CUL4B: variants seen among roughly 807,000 people sequenced by gnomAD.
The protein encoded by CUL4B is cullin 4B.
In CUL4B, 1 loss-of-function variant was observed where a neutral mutation model predicts 69.2. The observed-to-expected ratio is 0.01, with a 90% CI of 0.01 to 0.07. CUL4B has a LOEUF of 0.07. CUL4B is among the 10% of genes least tolerant of loss of function. CUL4B has a pLI of 1.00. For synonymous variants in CUL4B, 237 were observed against 223.2 expected (o/e 1.06, Z -0.55); for missense variants, 328 against 638.8 (o/e 0.51, Z 5.24).
chrX:120,540,120 G>A (rs1197052968), intron 11 of CUL4B, among the ~76,000 whole-genome samples: 1 of 112,161 alleles, frequency 8.9e-6, no homozygotes, highest in Non-Finnish European at 1.9e-5. Context: ...AAACAGATTA[G>A]CTTATTATCA....
intron 15 of CUL4B, 109 bp downstream of exon 15, chrX:120,536,818 G>A (rs918955266): frequency 1.8e-5 from 10 of 557,236 alleles, no homozygotes; most frequent in Admixed American, 2.6e-5. Context: ...GCAATACAGC[G>A]AGACCCTGGG....
chrX:120,543,385 A>C (rs1036887911), intron 8 of CUL4B, among the ~76,000 whole-genome samples: 9 of 110,758 alleles, frequency 8.1e-5, no homozygotes, highest in Non-Finnish European at 1.5e-4. Context: ...TCGACTGGCA[A>C]TATTAATACT....
chrX:120,552,437 C>T (rs1460931309), intron 2 of CUL4B, among the ~76,000 whole-genome samples: 2 of 112,598 alleles, frequency 1.8e-5, no homozygotes, highest in East Asian at 2.8e-4. Context: ...CGTCAGCCAC[C>T]GCACCCAGCC....
chrX:120,566,584 A>C (rs951250188), downstream of CUL4B, among the ~76,000 whole-genome samples: 2 of 105,537 alleles, frequency 1.9e-5, no homozygotes, highest in African/African-American at 6.9e-5. Flanking sequence ...TTTAGTAGAG[A>C]CGGGGTTTCT....
At chrX:120,557,810 A>G (rs1925068946) in intron 2 of CUL4B, 114 bp downstream of exon 2, 1 of 466,407 alleles carries the variant, frequency 2.1e-6, no homozygotes, top group South Asian at 3.3e-5. Flanking sequence ...TGGAGAAACT[A>G]AAATTAGAAG....
Position 120,560,936 on chromosome X carries a change from T to G in CUL4B, c.-298A>C. On this transcript the variant is annotated 5_prime_UTR_variant, in exon 1 of 20. Coordinates refer to ENST00000371322, the MANE Select transcript of CUL4B (RefSeq NM_001079872.2). ...CTGCTTTTCGATCTCTCTCCCCCCC[T>G]TTCTGCAGGAGCGACTCAGCGAGTC... 7 of 753,442 alleles carry G rather than the reference T, an allele frequency of 9.3e-6. No individual in the cohort carries two copies. Among genetic ancestry groups the G allele is most frequent in the Non-Finnish European group, 1.1e-5 (7 of 638,931 alleles). The allele number at this position is 753,442 out of a possible 1,213,427, so 62.1% of individuals were successfully genotyped here.
intron 1 of CUL4B, among the ~76,000 whole-genome samples, chrX:120,575,202 T>G (rs1238275184): frequency 8.9e-6 from 1 of 112,321 alleles, no homozygotes; most frequent in Non-Finnish European, 1.9e-5. Flanking sequence ...GAATAAAGGC[T>G]GTAACTTTTA....
At chrX:120,540,278 A>G (rs1430982648) in intron 11 of CUL4B, 92 bp downstream of exon 11, 2 of 834,511 alleles carry the variant, frequency 2.4e-6, no homozygotes, top group African/African-American at 4.0e-5. Context: ...ATCAGGAATT[A>G]GTAATACTAC....
intron 2 of CUL4B, among the ~76,000 whole-genome samples, chrX:120,548,882 C>T (rs1230037930): frequency 2.7e-5 from 3 of 111,931 alleles, no homozygotes; most frequent in Non-Finnish European, 3.8e-5. Flanking sequence ...ACTGAATTAA[C>T]GCCAATTACA....
chrX:120,546,711 C>T, intron 3 of CUL4B, 95 bp from the exon 4 acceptor site: 1 of 592,679 alleles, frequency 1.7e-6, no homozygotes, highest in Non-Finnish European at 2.8e-6. Flanking sequence ...GAATACCTTG[C>T]ACACTAAGTG....
At chrX:120,535,776 C>G in intron 16 of CUL4B, 54 bp downstream of exon 16, 3 of 709,413 alleles carry the variant, frequency 4.2e-6, no homozygotes, top group South Asian at 4.4e-5. Flanking sequence ...AGAAGGATGA[C>G]CTAAACATTA....
At chrX:120,559,531 C>G (rs1195731445) in intron 1 of CUL4B, among the ~76,000 whole-genome samples, 1 of 112,039 alleles carries the variant, frequency 8.9e-6, no homozygotes, top group Non-Finnish European at 1.9e-5. Context: ...ACTTTCAAAC[C>G]CTACCTTTGG....
rs759916112 is a variant in CUL4B, at chrX:120,560,731, G to A, written c.-93C>T. The stretch of plus-strand genomic sequence containing the variant: ...GAGAGAAGGTAGCAATGCTAGAGGG[G>A]GAAGGGAAGAAAGAAGAGAGGAGAA... On this transcript the variant is annotated 5_prime_UTR_variant, in exon 1 of 20. Coordinates refer to ENST00000371322, the MANE Select transcript of CUL4B (RefSeq NM_001079872.2). 57 of 1,051,512 alleles carry A rather than the reference G, an allele frequency of 5.4e-5. No individual in the cohort carries two copies. The highest frequency in any genetic ancestry group is 8.2e-5 in the East Asian group (2 of 24,474). The allele number at this position is 1,051,512 out of a possible 1,213,427, so 86.7% of individuals were successfully genotyped here.
rs2285549 is a variant in CUL4B, at chrX:120,544,033, T to C, written c.1173+81A>G. 4,326 of 664,968 alleles carry C rather than the reference T, an allele frequency of 6.5e-3. 149 individuals are homozygous for C. The East Asian group carries it at 0.12, about 18-fold the overall frequency. The allele number at this position is 664,968 out of a possible 1,213,427, so 54.8% of individuals were successfully genotyped here. A position where few individuals can be genotyped will look rare whatever the true frequency, so the allele number is the denominator to read the frequency against. On this transcript the variant is annotated intron_variant, in intron 7 of 19. Transcript: ENST00000371322. ...AGCATCACAATGTTGGGAAGATAAATGCAAAGGGAAGCTTATATTCTACAA... is the reference window on the plus strand; with the variant it reads ...AGCATCACAATGTTGGGAAGATAAACGCAAAGGGAAGCTTATATTCTACAA...
chrX:120,557,772 TGGTC>T (rs1367221680), intron 2 of CUL4B, 148 bp downstream of exon 2: 8 of 421,183 alleles, frequency 1.9e-5, no homozygotes, highest in Admixed American at 4.1e-5. Flanking sequence ...TGAGAATACG[TGGTC>T]TAATTATAGA....
chrX:120,527,149 T>C (rs1320133312), intron 19 of CUL4B, among the ~76,000 whole-genome samples: 1 of 108,415 alleles, frequency 9.2e-6, no homozygotes, highest in Non-Finnish European at 1.9e-5. Flanking sequence ...AACCTCCACC[T>C]CCTGGGTTCA....
At chrX:120,556,204 G>C (rs1440888457) in intron 2 of CUL4B, among the ~76,000 whole-genome samples, 1 of 111,439 alleles carries the variant, frequency 9.0e-6, no homozygotes, top group Non-Finnish European at 1.9e-5. Flanking sequence ...TTATTCTTAA[G>C]TAATAGCTTA....
chrX:120,540,674 T>C lies in CUL4B; in HGVS notation c.1444-112A>G, dbSNP rs1923933871. Reference sequence around the variant, plus strand: ...ATTTAAAGATCTTTAAAAAGTAAGATAAAGCTATTTTTAAGATGGAATCTT... The same window carrying C: ...ATTTAAAGATCTTTAAAAAGTAAGACAAAGCTATTTTTAAGATGGAATCTT... On this transcript the variant is annotated intron_variant, in intron 10 of 19. Coordinates refer to ENST00000371322, the MANE Select transcript of CUL4B (RefSeq NM_001079872.2). 7.0e-6 allele frequency: 4 copies of C among 571,968 alleles called. No individual in the cohort carries two copies. The Admixed American group carries it at 1.5e-4, about 22-fold the overall frequency. 47.1% of individuals were successfully genotyped at this position (571,968 alleles called of 1,213,427 possible). A position where few individuals can be genotyped will look rare whatever the true frequency, so the allele number is the denominator to read the frequency against.
chrX:120,546,589 T>C lies in CUL4B; in HGVS notation c.804A>G (p.Leu268=), dbSNP rs367874506. The C allele has an allele frequency of 1.7e-6, 2 of 1,201,874 alleles. No individual in the cohort carries two copies. Among genetic ancestry groups the C allele is most frequent in the Non-Finnish European group, 2.3e-6 (2 of 887,385 alleles). ...TTTGCCAGCATCTATCAATCTTCTT[T>C]AAAAAAAGAACGCTATCCAATGAAT... ...REDSLDSVLF[L]KKIDRCWQNH... Residue 268 remains leucine (L), a synonymous_variant, in exon 4 of 20, where the codon TTA becomes TTG. Transcript: ENST00000371322.
Sources: allele counts gnomAD v4.1 joint callset (sites outside exome capture counted in the v4.1 genomes callset), GRCh38; gene constraint gnomAD v4.1.1; transcripts MANE v1.5; gene names NCBI Gene and HGNC (gene_info 2026-07-23, HGNC 2026-07-21).